ESR1: variants seen among roughly 807,000 people sequenced by gnomAD.
The protein encoded by ESR1 is estrogen receptor 1.
Under a neutral mutation model 52.7 loss-of-function variants are expected in ESR1, and 12 were observed. The ratio of observed to expected loss-of-function variants is 0.23; its 90% CI spans 0.15 to 0.37. The LOEUF is 0.37. Ranked by LOEUF, ESR1 falls within the 10% of genes least tolerant of loss-of-function variation. The pLI, the probability that ESR1 is intolerant of heterozygous loss-of-function variation, is 1.00. For missense variants in ESR1, 584 were observed against 779.7 expected, an observed-to-expected ratio of 0.75 and a Z score of 2.99; for synonymous variants, 305 against 316.8, an observed-to-expected ratio of 0.96 and a Z score of 0.39.
At chr6:151,977,970 A>G (rs1224695625) in intron 4 of ESR1, among the ~76,000 whole-genome samples, 1 of 151,296 alleles carries the variant, frequency 6.6e-6, no homozygotes, top group African/African-American at 2.4e-5. Context: ...AAAGAAAAAA[A>G]AAAAAAAAAC....
intron 3 of ESR1, among the ~76,000 whole-genome samples, chr6:151,919,523 A>C (rs1353547909): frequency 2.0e-5 from 3 of 152,180 alleles, no homozygotes; most frequent in Non-Finnish European, 4.4e-5. Context: ...ACATACATCT[A>C]TCATCCAATA....
intron 2 of ESR1, among the ~76,000 whole-genome samples, chr6:151,843,948 G>A (rs1326485048): frequency 2.0e-5 from 3 of 150,342 alleles, no homozygotes; most frequent in Non-Finnish European, 4.4e-5. Flanking sequence ...TATCTTAATC[G>A]AGTAGCATGT....
rs188379800 is a variant in ESR1 at position 151,901,081 on chromosome 6, G to A, written c.760+20310G>A. Among the ~76,000 whole-genome samples, 6 of 152,292 alleles carry A rather than the reference G, an allele frequency of 3.9e-5. No homozygotes were observed. In the East Asian group the frequency reaches 1.2e-3, roughly 29 times the overall value. ...CATCAGGTGGGGCAAGGCTAGGACT[G>A]TCTGAGCTCAGACTCTCCTCGGGTG... On this transcript the variant is annotated intron_variant, in intron 3 of 7. Transcript: ENST00000206249.
intron 6 of ESR1, among the ~76,000 whole-genome samples, chr6:152,093,463 C>T (rs1398864842): frequency 1.3e-5 from 2 of 151,814 alleles, no homozygotes; most frequent in Non-Finnish European, 2.9e-5. Flanking sequence ...TTCAGAGCCT[C>T]GTATTCTCAT....
intron 6 of ESR1, among the ~76,000 whole-genome samples, chr6:152,084,169 A>T (rs2152472033): frequency 1.3e-5 from 2 of 152,230 alleles, no homozygotes; most frequent in Admixed American, 1.3e-4. Context: ...AACTATCATG[A>T]GGACATAAAA....
At chr6:152,064,084 G>T (rs1245006393) in intron 6 of ESR1, among the ~76,000 whole-genome samples, 3 of 152,152 alleles carry the variant, frequency 2.0e-5, no homozygotes, top group Non-Finnish European at 2.9e-5. Context: ...TTATTACTTT[G>T]CTTGCAAAAA....
chr6:152,054,753 A>ACCTCTTGG (rs2046966427), intron 5 of ESR1, among the ~76,000 whole-genome samples: 3 of 151,782 alleles, frequency 2.0e-5, no homozygotes, highest in South Asian at 4.2e-4. Context: ...CTCTTCTCCC[A>ACCTCTTGG]CCTCTTGGCC....
chr6:151,823,395 G>A (rs1780917305), intron 1 of ESR1, among the ~76,000 whole-genome samples: 2 of 152,064 alleles, frequency 1.3e-5, no homozygotes, highest in Non-Finnish European at 2.9e-5. Flanking sequence ...TCAGATAATT[G>A]TAATTATTGC....
intron 1 of ESR1, among the ~76,000 whole-genome samples, chr6:151,680,987 A>G (rs1451672848): frequency 2.0e-5 from 3 of 151,980 alleles, no homozygotes; most frequent in Non-Finnish European, 4.4e-5. Context: ...GGAGGACTTG[A>G]GGCTCTCCTG....
At chr6:151,778,850 C>T (rs537143003) in intron 2 of ESR1, among the ~76,000 whole-genome samples, 9 of 152,190 alleles carry the variant, frequency 5.9e-5, no homozygotes, top group Middle Eastern at 3.4e-3. Flanking sequence ...AATTTGTTTT[C>T]GCTGTCATGC....
At chr6:152,050,393 G>GT (rs2046586460) in intron 5 of ESR1, among the ~76,000 whole-genome samples, 1 of 152,086 alleles carries the variant, frequency 6.6e-6, no homozygotes, top group Non-Finnish European at 1.5e-5. Context: ...ATGCAACATG[G>GT]TTTTTACCTC....
intron 4 of ESR1, among the ~76,000 whole-genome samples, chr6:151,986,558 T>C (rs2040502350): frequency 6.6e-6 from 1 of 152,132 alleles, no homozygotes; most frequent in Admixed American, 6.5e-5. Context: ...AATGCACATT[T>C]TGTGGACCAA....
At chr6:151,792,824 T>A (rs1458708735) in intron 2 of ESR1, among the ~76,000 whole-genome samples, 3 of 152,182 alleles carry the variant, frequency 2.0e-5, no homozygotes, top group Non-Finnish European at 2.9e-5. Context: ...TGTACAAAAA[T>A]GTTTTCTTTC....
At chr6:151,725,071 A>C (rs1236805350) in intron 2 of ESR1, among the ~76,000 whole-genome samples, 1 of 152,214 alleles carries the variant, frequency 6.6e-6, no homozygotes, top group African/African-American at 2.4e-5. Flanking sequence ...GTATTTAAAA[A>C]GATAAGATCT....
At chr6:151,914,171 T>C (rs922580060) in intron 3 of ESR1, among the ~76,000 whole-genome samples, 1 of 152,160 alleles carries the variant, frequency 6.6e-6, no homozygotes, top group Non-Finnish European at 1.5e-5. Context: ...AGGAACTTTT[T>C]ACTCTGCTCT....
chr6:151,715,472 T>TC (rs34053404), intron 2 of ESR1, among the ~76,000 whole-genome samples: 40,508 of 152,052 alleles, frequency 0.27, 5,592 homozygotes, highest in Non-Finnish European at 0.28. Flanking sequence ...TTCAGGTACA[T>TC]CATCAAATAT....
intron 2 of ESR1, among the ~76,000 whole-genome samples, chr6:151,729,218 C>A (rs1374176698): frequency 1.3e-5 from 2 of 152,176 alleles, no homozygotes; most frequent in African/African-American, 4.8e-5. Flanking sequence ...CTCTTCCCAG[C>A]ATTTAGGGAC....
intron 2 of ESR1, among the ~76,000 whole-genome samples, chr6:151,722,069 GTAGAT>G (rs1562355922): frequency 6.6e-6 from 1 of 152,256 alleles, no homozygotes; most frequent in African/African-American, 2.4e-5. Flanking sequence ...TGTTAGGGAG[GTAGAT>G]TATAGTCAGG....
intron 5 of ESR1, among the ~76,000 whole-genome samples, chr6:152,039,675 T>C (rs867821178): frequency 5.3e-4 from 80 of 152,170 alleles, no homozygotes; most frequent in African/African-American, 1.8e-3. Context: ...ATCCTGGCTA[T>C]GGGAGAAACA....
Sources: gnomAD v4.1 joint callset for allele counts (sites outside exome capture counted in the v4.1 genomes callset) on GRCh38, gnomAD v4.1.1 for gene constraint, MANE v1.5 for transcripts, NCBI Gene and HGNC (gene_info 2026-07-23, HGNC 2026-07-21) for gene names.